Variants in FAM135A observed in about 807,000 individuals in gnomAD.
FAM135A encodes protein FAM135A.
FAM135A carries 79 observed loss-of-function variants against 146.8 expected under a neutral mutation model. That is an observed-to-expected ratio of 0.54 (90% CI 0.45 to 0.65). The LOEUF (loss-of-function observed/expected upper bound fraction) is 0.65, where lower values mean the gene tolerates loss of function less well. Ranked by LOEUF, FAM135A falls within the 30% of genes least tolerant of loss-of-function variation. The pLI is 0.00. For synonymous variants in FAM135A, 562 were observed against 603.6 expected (o/e 0.93, Z 1.01); for missense variants, 1,623 against 1,758.2 (o/e 0.92, Z 1.38).
chr6:70,495,270 C>T (rs2128229015), intron 11 of FAM135A, among the ~76,000 whole-genome samples: 1 of 152,256 alleles, frequency 6.6e-6, no homozygotes, highest in East Asian at 1.9e-4. Context: ...ATTCTGTAAA[C>T]ATGTAAATGT....
At chr6:70,468,493 A>G (rs745424129) in intron 5 of FAM135A, among the ~76,000 whole-genome samples, 1 of 152,170 alleles carries the variant, frequency 6.6e-6, no homozygotes, top group South Asian at 2.1e-4. Context: ...TGTCACTCCC[A>G]TGGGACTTGG....
At chr6:70,441,447 G>A (rs1203766033) in intron 4 of FAM135A, among the ~76,000 whole-genome samples, 1 of 152,056 alleles carries the variant, frequency 6.6e-6, no homozygotes, top group African/African-American at 2.4e-5. Context: ...GAGCCCTTCA[G>A]GTTGGTTTCT....
At chr6:70,451,758 C>T (rs1272726486) in intron 4 of FAM135A, among the ~76,000 whole-genome samples, 2 of 152,062 alleles carry the variant, frequency 1.3e-5, no homozygotes, top group African/African-American at 4.8e-5. Context: ...ATATTCACCT[C>T]CTCAGTATAT....
In FAM135A at chr6:70,495,412, C is replaced by T. The variant is rs1786996959; in HGVS notation, c.873+4329C>T. On this transcript the variant is annotated intron_variant, in intron 11 of 21. Transcript: ENST00000418814. ...ATTAGAGTCACAAAAGCGAATAGGA[C>T]ATGATCATAATTCCTCCCCTTCTTA... Among the ~76,000 whole-genome samples, 4 of 152,226 alleles carry T rather than the reference C, an allele frequency of 2.6e-5. No individual in the cohort carries two copies. The South Asian group carries it at 8.3e-4, about 32-fold the overall frequency.
intron 4 of FAM135A, among the ~76,000 whole-genome samples, chr6:70,451,370 A>G (rs754367045): frequency 3.3e-5 from 5 of 152,212 alleles, no homozygotes; most frequent in Non-Finnish European, 5.9e-5. Flanking sequence ...ATCTTTAGTC[A>G]AAACCCTTGA....
intron 12 of FAM135A, among the ~76,000 whole-genome samples, chr6:70,511,737 A>G (rs565179837): frequency 1.1e-4 from 16 of 151,936 alleles, no homozygotes; most frequent in African/African-American, 3.4e-4. Flanking sequence ...ACATTATAGA[A>G]TATACTATAG....
chr6:70,488,102 A>C (rs1325518227), intron 10 of FAM135A, among the ~76,000 whole-genome samples: 1 of 152,170 alleles, frequency 6.6e-6, no homozygotes, highest in Non-Finnish European at 1.5e-5. Context: ...TAGAAATAGC[A>C]TACTAGGTAG....
chr6:70,559,529 C>T (rs1801563420), intron 21 of FAM135A, among the ~76,000 whole-genome samples, 187 bp from the exon 22 acceptor site: 1 of 151,618 alleles, frequency 6.6e-6, no homozygotes, highest in Non-Finnish European at 1.5e-5. Flanking sequence ...TGATTACTTA[C>T]ATTTTCTATA....
At chr6:70,464,735 C>T (rs1370775159) in intron 5 of FAM135A, among the ~76,000 whole-genome samples, 25 of 132,656 alleles carry the variant, frequency 1.9e-4, no homozygotes, top group African/African-American at 6.1e-4. Flanking sequence ...GGTGTGATCT[C>T]GGCTCACTGC....
At chr6:70,466,020 C>T (rs899229497) in intron 5 of FAM135A, among the ~76,000 whole-genome samples, 1 of 152,160 alleles carries the variant, frequency 6.6e-6, no homozygotes, top group South Asian at 2.1e-4. Flanking sequence ...TGTCATAGCA[C>T]TCTGTCTTCT....
intron 2 of FAM135A, chr6:70,417,523 A>G: frequency 2.5e-6 from 2 of 813,988 alleles, no homozygotes; most frequent in Non-Finnish European, 3.0e-6. Flanking sequence ...GTAGTCTGGG[A>G]CATTTCTGTT....
intron 11 of FAM135A, 109 bp downstream of exon 11, chr6:70,491,192 C>A: frequency 1.1e-6 from 1 of 900,906 alleles, no homozygotes; most frequent in Non-Finnish European, 1.7e-6. Context: ...TCCTAAAATG[C>A]AAAGATAAAA....
intron 12 of FAM135A, among the ~76,000 whole-genome samples, chr6:70,517,163 T>A (rs978165548): frequency 2.0e-5 from 3 of 152,218 alleles, no homozygotes; most frequent in African/African-American, 7.2e-5. Context: ...AATTTGGCTA[T>A]AACTATAAGC....
rs1238309893 is a variant in FAM135A, at chr6:70,524,656, A to T, written c.1572A>T (p.Lys524Asn). The T allele has an allele frequency of 1.3e-6, 2 of 1,550,482 alleles. No individual in the cohort carries two copies. Among genetic ancestry groups the T allele is most frequent in the Admixed American group, 3.9e-5 (2 of 50,804 alleles). Residue 524 changes from lysine (K) to asparagine (N), a missense_variant, in exon 15 of 22, where the codon AAA becomes AAT. Physicochemically the swap from Lys to Asn is moderately conservative, Grantham distance 94. Coordinates refer to ENST00000418814, the MANE Select transcript of FAM135A (RefSeq NM_001162529.3). The part of the protein sequence containing the change: ...SKDSVVLVGY[K>N]CLKSTASNDL... ...ATTCTGTGGTTTTGGTAGGCTACAAATGTTTGAAAAGTACAGCATCAAATG... is the reference window on the plus strand; with the variant it reads ...ATTCTGTGGTTTTGGTAGGCTACAATTGTTTGAAAAGTACAGCATCAAATG...
intron 12 of FAM135A, chr6:70,504,962 A>G (rs1338145046): frequency 6.8e-6 from 1 of 147,200 alleles, no homozygotes; most frequent in Non-Finnish European, 1.5e-5. Context: ...CTCCATCTCA[A>G]AAAAAAAAAA....
intron 11 of FAM135A, among the ~76,000 whole-genome samples, chr6:70,492,784 T>C (rs1326234110): frequency 6.6e-6 from 1 of 151,884 alleles, no homozygotes; most frequent in Non-Finnish European, 1.5e-5. Flanking sequence ...AATAGGTTAT[T>C]TTTTTTGCCT....
chr6:70,440,242 G>C (rs914094532), intron 4 of FAM135A, among the ~76,000 whole-genome samples: 3 of 152,118 alleles, frequency 2.0e-5, no homozygotes, highest in Non-Finnish European at 4.4e-5. Flanking sequence ...TCAGAGGACA[G>C]GTAATTTCTG....
At chr6:70,452,660 C>G (rs1241761583) in intron 5 of FAM135A, 89 bp downstream of exon 5, 1 of 849,744 alleles carries the variant, frequency 1.2e-6, no homozygotes, top group Non-Finnish European at 1.8e-6. Flanking sequence ...TATAAGATAC[C>G]TGTAATGGTA....
rs1179072858 is a variant in FAM135A at position 70,534,312 on chromosome 6, C to CTTTTTTTTTTTTTTTTTT, written c.3965+466_3965+483dup. 1.7e-4 allele frequency among the ~76,000 whole-genome samples: 15 copies of CTTTTTTTTTTTTTTTTTT among 89,802 alleles called. 3 individuals are homozygous for CTTTTTTTTTTTTTTTTTT. The highest frequency in any genetic ancestry group is 6.2e-4 in the African/African-American group (13 of 20,954). The allele number at this position is 89,802 out of a possible 152,430, so 58.9% of individuals were successfully genotyped here. ...CAAAAATACTTTCAAAGTTTGTATA[C>CTTTTTTTTTTTTTTTTTT]TTTTTTTTTTTTTTTTTTTTTTTTT... On this transcript the variant is annotated intron_variant, in intron 18 of 21. Transcript: ENST00000418814.
Sources: allele counts gnomAD v4.1 joint callset (sites outside exome capture counted in the v4.1 genomes callset), GRCh38; gene constraint gnomAD v4.1.1; transcripts MANE v1.5; gene names NCBI Gene and HGNC (gene_info 2026-07-23, HGNC 2026-07-21).